The following VWCE variants were observed in gnomAD, a reference collection of about 807,000 sequenced individuals.
The protein encoded by VWCE is von Willebrand factor C and EGF domain-containing protein.
In VWCE, 68 loss-of-function variants were observed where a neutral mutation model predicts 102.9. The ratio of observed to expected loss-of-function variants is 0.66; its 90% confidence interval spans 0.54 to 0.81. VWCE has a LOEUF of 0.81. Among genes scored for constraint, VWCE ranks in the 30% least tolerant of loss-of-function variants. The pLI is 0.00. For synonymous variants in VWCE, 497 were observed against 515.4 expected, an observed-to-expected ratio of 0.96 and a Z score of 0.48; for missense variants, 1,137 against 1,263.6, an observed-to-expected ratio of 0.90 and a Z score of 1.52.
rs768199809 is a variant in VWCE, at chr11:61,286,402, G to A, written c.453C>T (p.Cys151=). The A allele has an allele frequency of 1.1e-5, 17 of 1,612,614 alleles. No homozygotes were observed. Among genetic ancestry groups the A allele is most frequent in the South Asian group, 8.8e-5 (8 of 91,088 alleles). Residue 151 remains cysteine, a synonymous_variant, in exon 5 of 20, where the codon TGC becomes TGT. Coordinates refer to ENST00000335613, the MANE Select transcript of VWCE (RefSeq NM_152718.2). ...TDIDECVTSS[C]EGHCVNTEGG... ...CTTCTGTGTTCACACAGTGGCCCTC[G>A]CAGGAGGAGGTTACACATTCGTCAA...
intron 12 of VWCE, 104 bp from the exon 13 acceptor site, chr11:61,273,420 C>T: frequency 9.2e-7 from 1 of 1,083,618 alleles, no homozygotes; most frequent in Non-Finnish European, 1.3e-6. Context: ...CTCCCGGCTA[C>T]TCAAGTGAAA....
chr11:61,261,004 C>T (rs1001452228), intron 19 of VWCE, among the ~76,000 whole-genome samples: 1 of 152,002 alleles, frequency 6.6e-6, no homozygotes, highest in Non-Finnish European at 1.5e-5. Context: ...GTGGACAGAT[C>T]ACTTGAGGTC....
Position 61,294,343 on chromosome 11 carries a change from C to T in VWCE, c.110+585G>A, listed in dbSNP as rs576418567. On this transcript the variant is annotated intron_variant, in intron 1 of 19. Transcript: ENST00000335613. This position sits in a 1 kb window ranked among gnomAD's most constrained non-coding sequence, Gnocchi z 6.3. ...CCTAGCTCCGAGCATCACGCACACA[C>T]GCGCACGGCCCCACCGCGGCCCGGG... Among the ~76,000 whole-genome samples, 35 of 152,296 alleles carry T rather than the reference C, an allele frequency of 2.3e-4. No homozygotes were observed. Among genetic ancestry groups the T allele is most frequent in the African/African-American group, 7.5e-4 (31 of 41,570 alleles).
intron 11 of VWCE, among the ~76,000 whole-genome samples, chr11:61,276,032 G>C (rs1348737640): frequency 6.6e-6 from 1 of 152,168 alleles, no homozygotes; most frequent in Non-Finnish European, 1.5e-5. Context: ...TTGTAAAGCA[G>C]AAAGCAATCT....
Position 61,258,863 on chromosome 11 carries a change from G to A in VWCE, c.2680C>T (p.Leu894Phe). ...VSRWPPLPGT[L>F]LTEASALSMM... ...GAAAGTGCTGAAGCTTCCGTCAGGA[G>A]GGTGCCAGGCAGAGGAGGCCACCTG... Residue 894 changes from leucine to phenylalanine, a missense_variant, in exon 20 of 20, where the codon CTC becomes TTC. Leu to Phe is a conservative substitution (Grantham distance 22, BLOSUM62 0). This residue lies in a region of VWCE where 316 missense variants were observed against 319.3 expected (regional missense o/e 0.99). Transcript: ENST00000335613. 6.6e-7 allele frequency: 1 copy of A among 1,517,726 alleles called. No individual in the cohort carries two copies. The highest frequency in any genetic ancestry group is 2.3e-5 in the East Asian group (1 of 44,016). 94.0% of individuals were successfully genotyped at this position (1,517,726 alleles called of 1,614,324 possible).
chr11:61,274,675 A>C, intron 11 of VWCE, 91 bp from the exon 12 acceptor site: 1 of 1,071,098 alleles, frequency 9.3e-7, no homozygotes, highest in Non-Finnish European at 1.4e-6. Flanking sequence ...GCCCCGGGGC[A>C]CTTAACACAC....
intron 19 of VWCE, 147 bp downstream of exon 19, chr11:61,264,340 C>T: frequency 1.4e-6 from 1 of 729,032 alleles, no homozygotes; most frequent in Non-Finnish European, 2.3e-6. Flanking sequence ...CAGGCCACAG[C>T]ACAGCTGTAC....
Position 61,267,559 on chromosome 11 carries a change from A to G in VWCE, c.1883-15T>C. On this transcript the variant is annotated splice_polypyrimidine_tract_variant and intron_variant, in intron 15 of 19. Coordinates refer to ENST00000335613, the MANE Select transcript of VWCE (RefSeq NM_152718.2). ...GTAGGTGCAGCCTGCCAGAGAGAGC[A>G]TGCGCTGAGCACCAGCTGGGAGTGG... is the stretch of plus-strand genomic sequence containing the variant. 6.2e-7 allele frequency: 1 copy of G among 1,613,716 alleles called. No homozygotes were observed. The highest frequency in any genetic ancestry group is 1.1e-5 in the South Asian group (1 of 91,072).
rs1475313119 is a variant in VWCE, at chr11:61,281,864, A to G, written c.709T>C (p.Cys237Arg). ...AGGAAGCTGCCCACGGTGTTGTGGCAGGAATGGTGACAGACTCGCCTCTCC... is the reference window on the plus strand; with the variant it reads ...AGGAAGCTGCCCACGGTGTTGTGGCGGGAATGGTGACAGACTCGCCTCTCC... ...PLERRVCHHS[C>R]HNTVGSFLCT... The change falls in exon 7 of 20, where the codon TGC becomes CGC. Residue 237 changes from cysteine to arginine, a missense_variant. Coordinates refer to ENST00000335613, the MANE Select transcript of VWCE (RefSeq NM_152718.2). 1.2e-6 allele frequency: 2 copies of G among 1,613,942 alleles called. No individual in the cohort carries two copies. The highest frequency in any genetic ancestry group is 1.7e-6 in the Non-Finnish European group (2 of 1,179,896).
At chr11:61,273,004 GACAC>G (rs1038619868) in intron 13 of VWCE, among the ~76,000 whole-genome samples, 191 bp downstream of exon 13, 1 of 151,564 alleles carries the variant, frequency 6.6e-6, no homozygotes, top group African/African-American at 2.4e-5. Flanking sequence ...CAAACTCAGA[GACAC>G]ACAAACTTAC....
intron 14 of VWCE, 141 bp downstream of exon 14, chr11:61,271,534 G>A: frequency 2.7e-6 from 2 of 727,420 alleles, no homozygotes; most frequent in Non-Finnish European, 4.7e-6. Flanking sequence ...AACCCTTTTT[G>A]TGAAAGTGGA....
chr11:61,288,075 T>A (rs1855389557), intron 4 of VWCE, among the ~76,000 whole-genome samples: 1 of 140,916 alleles, frequency 7.1e-6, no homozygotes. Flanking sequence ...TAAGAATCGC[T>A]GAACCAGGAA....
intron 12 of VWCE, 87 bp downstream of exon 12, chr11:61,274,412 T>G: frequency 7.8e-7 from 1 of 1,288,878 alleles, no homozygotes; most frequent in Non-Finnish European, 1.1e-6. Context: ...ACTCATGTTC[T>G]CCTAGTCATG....
Position 61,264,990 on chromosome 11 carries a change from A to G in VWCE, c.2105T>C (p.Leu702Ser). ...RKVANGQVFT[L>S]DDEPCTRCTC... Reference sequence around the variant, plus strand: ...GCACCGGGTGCAGGGTTCATCATCCAAGGTGAACACCTGGCCATTCGCCAC... The same window carrying G: ...GCACCGGGTGCAGGGTTCATCATCCGAGGTGAACACCTGGCCATTCGCCAC... The change falls in exon 18 of 20, where the codon TTG becomes TCG. Residue 702 changes from leucine to serine, a missense_variant. This residue lies in a region of VWCE where 29 missense variants were observed against 62.9 expected (regional missense o/e 0.46). Transcript: ENST00000335613. The G allele has an allele frequency of 6.2e-7, 1 of 1,614,112 alleles. No homozygotes were observed. The highest frequency in any genetic ancestry group is 8.5e-7 in the Non-Finnish European group (1 of 1,180,026).
At chr11:61,291,932 G>A (rs1855515696) in intron 1 of VWCE, among the ~76,000 whole-genome samples, 1 of 152,210 alleles carries the variant, frequency 6.6e-6, no homozygotes, top group Non-Finnish European at 1.5e-5. Flanking sequence ...TATAAGAAAG[G>A]TTCTTATGGC....
chr11:61,295,178 G>A lies in VWCE; in HGVS notation c.-141C>T, dbSNP rs576536577. 2.8e-5 allele frequency: 13 copies of A among 466,736 alleles called. No homozygotes were observed. Among genetic ancestry groups the A allele is most frequent in the South Asian group, 9.3e-5 (1 of 10,758 alleles). 28.9% of individuals were successfully genotyped at this position (466,736 alleles called of 1,614,324 possible). The stretch of plus-strand genomic sequence containing the variant: ...CGAAATGGCACGCAGAGCTGAGCAG[G>A]GGGGCTTGGGACGCCGAGAGGAGGG... On this transcript the variant is annotated 5_prime_UTR_variant, in exon 1 of 20. Coordinates refer to ENST00000335613, the MANE Select transcript of VWCE (RefSeq NM_152718.2). The surrounding 1 kb of genome is among the most constrained non-coding windows in gnomAD (Gnocchi z 4.6).
At chr11:61,276,732 C>A (rs753783666) in intron 10 of VWCE, 52 bp from the exon 11 acceptor site, 7 of 1,433,678 alleles carry the variant, frequency 4.9e-6, no homozygotes, top group Non-Finnish European at 6.6e-6. Context: ...GAACAGGGTT[C>A]ATTCCCCATC....
intron 13 of VWCE, among the ~76,000 whole-genome samples, chr11:61,272,274 A>G (rs1401664059): frequency 2.0e-5 from 3 of 152,122 alleles, no homozygotes; most frequent in Non-Finnish European, 4.4e-5. Flanking sequence ...TCATACAAAT[A>G]CACTTACATA....
chr11:61,262,887 T>G (rs1190620419), intron 19 of VWCE, among the ~76,000 whole-genome samples: 4 of 152,244 alleles, frequency 2.6e-5, no homozygotes, highest in Non-Finnish European at 5.9e-5. Context: ...GGAAGAGAGC[T>G]GCAGTCCTGT....
Sources: gnomAD v4.1 joint callset for allele counts (sites outside exome capture counted in the v4.1 genomes callset) on GRCh38, gnomAD v4.1.1 for gene constraint, gnomAD v4.1.1 regional missense constraint, Gnocchi (gnomAD v3.1) non-coding constraint, MANE v1.5 for transcripts, NCBI Gene and HGNC (gene_info 2026-07-23, HGNC 2026-07-21) for gene names.